The following PARP8 variants were observed in gnomAD, a reference collection of about 807,000 sequenced individuals.
PARP8 encodes the protein protein mono-ADP-ribosyltransferase PARP8.
In PARP8, 51 loss-of-function variants were observed where a neutral mutation model predicts 124.1. The ratio of observed to expected loss-of-function variants is 0.41; its 90% CI spans 0.33 to 0.52. The LOEUF is 0.52. PARP8 is among the 20% of genes least tolerant of loss of function. The pLI is 0.21. For missense variants in PARP8, 860 were observed against 1,018.9 expected, an observed-to-expected ratio of 0.84 and a Z score of 2.12; for synonymous variants, 391 against 361.5, an observed-to-expected ratio of 1.08 and a Z score of -0.93.
At chr5:50,769,029 G>A (rs1761330236) in intron 7 of PARP8, among the ~76,000 whole-genome samples, 1 of 152,132 alleles carries the variant, frequency 6.6e-6, no homozygotes, top group Admixed American at 6.5e-5. Flanking sequence ...CTTTATTCAT[G>A]TTCTGCTATG....
At chr5:50,779,210 C>A (rs1258295903) in intron 9 of PARP8, among the ~76,000 whole-genome samples, 1 of 151,804 alleles carries the variant, frequency 6.6e-6, no homozygotes. Context: ...CACACACATG[C>A]ATGCACACAC....
chr5:50,727,683 G>C (rs59260728), intron 2 of PARP8, among the ~76,000 whole-genome samples: 2,239 of 152,118 alleles, frequency 0.015, 58 homozygotes, highest in African/African-American at 0.052. Flanking sequence ...GAACTATAAG[G>C]CTGAAAAAGT....
chr5:50,719,102 G>C (rs1471588865), intron 2 of PARP8, among the ~76,000 whole-genome samples: 1 of 151,952 alleles, frequency 6.6e-6, no homozygotes, highest in African/African-American at 2.4e-5. Context: ...TTGGCCATTT[G>C]TATGTTGTCT....
chr5:50,746,720 A>G, intron 2 of PARP8, among the ~76,000 whole-genome samples: 1 of 152,120 alleles, frequency 6.6e-6, no homozygotes, highest in East Asian at 1.9e-4. Flanking sequence ...TTTGGCTCAT[A>G]CCAGGTTACC....
At chr5:50,837,581 C>T (rs1747722521) in intron 25 of PARP8, among the ~76,000 whole-genome samples, 1 of 151,960 alleles carries the variant, frequency 6.6e-6, no homozygotes, top group Non-Finnish European at 1.5e-5. Flanking sequence ...TTTTAAAAGT[C>T]TATTATCAGG....
intron 2 of PARP8, among the ~76,000 whole-genome samples, chr5:50,726,097 G>A (rs1756396994): frequency 1.3e-5 from 2 of 151,550 alleles, no homozygotes; most frequent in South Asian, 2.1e-4. Flanking sequence ...GTTACAAGTC[G>A]TCCTCCTCCC....
chr5:50,826,722 G>C (rs534187570), intron 18 of PARP8, 33 bp from the exon 19 acceptor site: 5 of 1,556,738 alleles, frequency 3.2e-6, no homozygotes, highest in Non-Finnish European at 4.3e-6. Context: ...TATTTGGCAT[G>C]TATTTGTGAC....
chr5:50,766,299 T>A (rs1455695070), intron 7 of PARP8, among the ~76,000 whole-genome samples: 3 of 152,230 alleles, frequency 2.0e-5, no homozygotes, highest in Non-Finnish European at 4.4e-5. Flanking sequence ...TGGGGCAACA[T>A]GAACTTTGCG....
At chr5:50,839,666 TTCTCTCTCTC>T (rs34544570) in intron 25 of PARP8, among the ~76,000 whole-genome samples, 1 of 147,390 alleles carries the variant, frequency 6.8e-6, no homozygotes, top group Non-Finnish European at 1.5e-5. Context: ...CTCTCTTTCT[TTCTCTCTCTC>T]TCTCTCTCTC....
intron 2 of PARP8, among the ~76,000 whole-genome samples, chr5:50,723,272 GTCTT>G (rs1442982118): frequency 6.6e-6 from 1 of 152,008 alleles, no homozygotes; most frequent in Non-Finnish European, 1.5e-5. Context: ...GTGAAGTCCT[GTCTT>G]TCTTAGGAAG....
intron 2 of PARP8, chr5:50,741,848 T>C (rs1290797928): frequency 2.3e-6 from 1 of 440,662 alleles, no homozygotes; most frequent in Admixed American, 2.5e-5. Context: ...TTCATTCTTG[T>C]TGCCCAGGCC....
rs1019295477 is a variant in PARP8 at position 50,832,865 on chromosome 5, G to T, written c.2307+11G>T. 8 of 1,610,204 alleles carry T rather than the reference G, an allele frequency of 5.0e-6. No homozygotes were observed. Among genetic ancestry groups the T allele is most frequent in the Non-Finnish European group, 6.8e-6 (8 of 1,176,848 alleles). On this transcript the variant is annotated intron_variant, in intron 23 of 25. Transcript: ENST00000281631. ...AGCAATACATCACAGGTGTTGTAGT[G>T]ACTTTAGTGACTGCTTATGATTAGT...
intron 14 of PARP8, among the ~76,000 whole-genome samples, chr5:50,807,507 G>C (rs1210042112): frequency 1.3e-5 from 2 of 152,048 alleles, no homozygotes; most frequent in Non-Finnish European, 2.9e-5. Context: ...GCAGCAAATT[G>C]TTTTAGAGAT....
intron 6 of PARP8, among the ~76,000 whole-genome samples, chr5:50,762,679 G>C (rs1338817188): frequency 6.6e-6 from 1 of 152,198 alleles, no homozygotes; most frequent in Non-Finnish European, 1.5e-5. Flanking sequence ...CAAGGCTACA[G>C]AGAGATGGAT....
chr5:50,821,162 G>C (rs1465598535), intron 15 of PARP8, 51 bp from the exon 16 acceptor site: 1 of 1,605,444 alleles, frequency 6.2e-7, no homozygotes. Flanking sequence ...CAATGGCAAA[G>C]CACTGGATAA....
chr5:50,817,212 T>C (rs1745199588), intron 15 of PARP8, among the ~76,000 whole-genome samples: 1 of 152,216 alleles, frequency 6.6e-6, no homozygotes, highest in African/African-American at 2.4e-5. Context: ...ATAAAATTAA[T>C]GGTTTTGAAT....
intron 2 of PARP8, among the ~76,000 whole-genome samples, chr5:50,721,292 C>T (rs1199263334): frequency 6.6e-6 from 1 of 151,994 alleles, no homozygotes; most frequent in Non-Finnish European, 1.5e-5. Flanking sequence ...CATTTAAACA[C>T]CAATGGGTGC....
chr5:50,836,033 C>G (rs1747546316), intron 25 of PARP8, among the ~76,000 whole-genome samples: 1 of 152,138 alleles, frequency 6.6e-6, no homozygotes, highest in African/African-American at 2.4e-5. Flanking sequence ...CTTCGGTATA[C>G]TGTATATCCT....
chr5:50,706,889 G>C (rs1432045922), intron 2 of PARP8, among the ~76,000 whole-genome samples: 2 of 152,002 alleles, frequency 1.3e-5, no homozygotes, highest in African/African-American at 4.8e-5. Context: ...ACCTAATTCA[G>C]ATTCTAATAG....
Sources: gnomAD v4.1 joint callset for allele counts (sites outside exome capture counted in the v4.1 genomes callset) on GRCh38, gnomAD v4.1.1 for gene constraint, MANE v1.5 for transcripts, NCBI Gene and HGNC (gene_info 2026-07-23, HGNC 2026-07-21) for gene names.